Variants in CFDP1 observed in about 807,000 individuals in gnomAD.
CFDP1 encodes heterochromatin-stabilizing protein CFDP1.
Under a neutral mutation model 40.1 loss-of-function variants are expected in CFDP1, and 31 were observed. The observed-to-expected ratio is 0.77, with a 90% CI of 0.58 to 1.04. The LOEUF (loss-of-function observed/expected upper bound fraction) is 1.04, where lower values mean the gene tolerates loss of function less well. Ranked by LOEUF, CFDP1 falls within the 50% of genes least tolerant of loss-of-function variation. The probability of loss-of-function intolerance (pLI) is 0.00; values close to 1 mark genes in which losing one functional copy is unlikely to be tolerated. For synonymous variants in CFDP1, 167 were observed against 120.0 expected (o/e 1.39, Z -2.56); for missense variants, 423 against 343.4 (o/e 1.23, Z -1.83).
intron 1 of CFDP1, among the ~76,000 whole-genome samples, chr16:75,420,333 A>G (rs2079263985): frequency 6.6e-6 from 1 of 152,184 alleles, no homozygotes; most frequent in African/African-American, 2.4e-5. Flanking sequence ...ATGTCCATTG[A>G]TAATGCATTC....
intron 5 of CFDP1, among the ~76,000 whole-genome samples, chr16:75,385,731 G>C (rs2078891745): frequency 7.4e-6 from 1 of 134,440 alleles, no homozygotes; most frequent in African/African-American, 2.5e-5. Flanking sequence ...CTGCCCTCTA[G>C]TGTACAGTAA....
At chr16:75,387,343 G>A (rs1041790829) in intron 5 of CFDP1, among the ~76,000 whole-genome samples, 41 of 152,070 alleles carry the variant, frequency 2.7e-4, no homozygotes, top group African/African-American at 9.4e-4. Flanking sequence ...GGGTTTCACC[G>A]TGTTAGCCAG....
At chr16:75,340,540 T>C (rs1232580259) in intron 5 of CFDP1, among the ~76,000 whole-genome samples, 1 of 152,198 alleles carries the variant, frequency 6.6e-6, no homozygotes, top group African/African-American at 2.4e-5. Context: ...GTAGGAAAAT[T>C]CTTCATTAAA....
chr16:75,429,583 G>C (rs1422339527), intron 1 of CFDP1, among the ~76,000 whole-genome samples: 1 of 152,172 alleles, frequency 6.6e-6, no homozygotes, highest in East Asian at 1.9e-4. Context: ...AACCCGGGAG[G>C]TGGAGGTTGC....
intron 6 of CFDP1, among the ~76,000 whole-genome samples, chr16:75,299,126 C>T (rs2078204337): frequency 1.3e-5 from 2 of 152,118 alleles, no homozygotes; most frequent in African/African-American, 4.8e-5. Context: ...TCCTGGAATG[C>T]TGTACTGGGC....
chr16:75,403,184 T>C (rs2079070016), intron 4 of CFDP1, among the ~76,000 whole-genome samples: 1 of 152,172 alleles, frequency 6.6e-6, no homozygotes, highest in African/African-American at 2.4e-5. Context: ...TATAATAGTA[T>C]TTACTAACAA....
intron 2 of CFDP1, 121 bp downstream of exon 2, chr16:75,414,457 C>T (rs1049021301): frequency 3.0e-6 from 2 of 657,138 alleles, no homozygotes; most frequent in Non-Finnish European, 5.5e-6. Context: ...CAAATGTTTC[C>T]CTCAAAGAGA....
At chr16:75,393,493 GT>G in intron 5 of CFDP1, among the ~76,000 whole-genome samples, 1 of 152,046 alleles carries the variant, frequency 6.6e-6, no homozygotes. Context: ...TTTTAAAAAT[GT>G]GGGGCCGGGG....
chr16:75,406,913 C>T (rs1208806251), intron 4 of CFDP1, among the ~76,000 whole-genome samples: 2 of 152,024 alleles, frequency 1.3e-5, no homozygotes, highest in Admixed American at 6.6e-5. Flanking sequence ...CCCAACTACT[C>T]GAGAGACTGA....
chr16:75,406,678 G>A (rs1204139289), intron 4 of CFDP1: 1 of 151,814 alleles, frequency 6.6e-6, no homozygotes, highest in Non-Finnish European at 1.5e-5. Flanking sequence ...TCCAGGCTGG[G>A]TTGATAGAGC....
intron 5 of CFDP1, chr16:75,372,556 A>G (rs1462025854): frequency 6.6e-6 from 1 of 152,236 alleles, no homozygotes; most frequent in African/African-American, 2.4e-5. Flanking sequence ...TCTAGGCATC[A>G]AATTTCTTCT....
chr16:75,328,355 C>T (rs1346779932), intron 5 of CFDP1, among the ~76,000 whole-genome samples: 56 of 148,220 alleles, frequency 3.8e-4, no homozygotes, highest in Non-Finnish European at 8.0e-4. Flanking sequence ...GAGGCCGAGG[C>T]AGGTGGATCA....
chr16:75,328,063 T>C (rs915659332), intron 5 of CFDP1, among the ~76,000 whole-genome samples: 1 of 150,448 alleles, frequency 6.6e-6, no homozygotes, highest in African/African-American at 2.5e-5. Context: ...ACTGGAAGAA[T>C]GGAAAGAGAA....
chr16:75,356,551 C>A (rs1187365068), intron 5 of CFDP1, among the ~76,000 whole-genome samples: 1 of 151,992 alleles, frequency 6.6e-6, no homozygotes, highest in Non-Finnish European at 1.5e-5. Flanking sequence ...TTCTTAAGGG[C>A]CCTAGGATTT....
intron 5 of CFDP1, among the ~76,000 whole-genome samples, chr16:75,363,206 A>C (rs1024427795): frequency 6.6e-6 from 1 of 152,064 alleles, no homozygotes; most frequent in African/African-American, 2.4e-5. Context: ...AAAATGTAAC[A>C]ACCAAAGAAT....
At chr16:75,357,809 C>A (rs930030868) in intron 5 of CFDP1, among the ~76,000 whole-genome samples, 9 of 152,328 alleles carry the variant, frequency 5.9e-5, no homozygotes, top group African/African-American at 1.9e-4. Context: ...CTCTTAGCTT[C>A]CTTCAAGAAC....
In CFDP1 at chr16:75,312,857, A is replaced by C. The variant is rs1008480171; in HGVS notation, c.651-7675T>G. Among the ~76,000 whole-genome samples, 3 of 152,246 alleles carry C rather than the reference A, an allele frequency of 2.0e-5. No individual in the cohort carries two copies. The South Asian group carries it at 6.2e-4, about 31-fold the overall frequency. ...AGACATGGACTGTTTTCCCAAAAGC[A>C]GTAGAGGTACTCTAAATGCACAGAC... On this transcript the variant is annotated intron_variant, in intron 5 of 6. Coordinates refer to ENST00000283882, the MANE Select transcript of CFDP1 (RefSeq NM_006324.3).
chr16:75,306,903 G>A (rs79073276), intron 5 of CFDP1, among the ~76,000 whole-genome samples: 2,021 of 87,070 alleles, frequency 0.023, 39 homozygotes, highest in African/African-American at 0.1. Context: ...ACACACACAC[G>A]CACACACACA....
rs1190055151 is a variant in CFDP1 at position 75,395,504 on chromosome 16, T to A, written c.531-295A>T. The stretch of plus-strand genomic sequence containing the variant: ...TGAAATCCCGTCTCTATTAAAAATA[T>A]AAAAATTAGCTGGGCGTGGTGGCGG... On this transcript the variant is annotated intron_variant, in intron 4 of 6. Coordinates refer to ENST00000283882, the MANE Select transcript of CFDP1 (RefSeq NM_006324.3). 6.6e-6 allele frequency among the ~76,000 whole-genome samples: 1 copy of A among 151,324 alleles called. No individual in the cohort carries two copies. The highest frequency in any genetic ancestry group is 2.4e-5 in the African/African-American group (1 of 41,168).
Sources: allele counts gnomAD v4.1 joint callset (sites outside exome capture counted in the v4.1 genomes callset), GRCh38; gene constraint gnomAD v4.1.1; transcripts MANE v1.5; gene names NCBI Gene and HGNC (gene_info 2026-07-23, HGNC 2026-07-21).